Variants in DTL observed in about 807,000 individuals in gnomAD.
The protein encoded by DTL is denticleless protein homolog.
In DTL, 46 loss-of-function variants were observed where a neutral mutation model predicts 87.0. That is an observed-to-expected ratio of 0.53 (90% CI 0.42 to 0.68). DTL has a LOEUF of 0.68. DTL is among the 30% of genes least tolerant of loss of function. The probability of loss-of-function intolerance (pLI) is 0.00; values close to 1 mark genes in which losing one functional copy is unlikely to be tolerated. For synonymous variants in DTL, 308 were observed against 311.2 expected (o/e 0.99, Z 0.11); for missense variants, 737 against 869.4 (o/e 0.85, Z 1.91).
At chr1:212,080,548 CTGTTTTTTAATGTAT>C in intron 12 of DTL, 52 bp from the exon 13 acceptor site, 1 of 1,504,102 alleles carries the variant, frequency 6.6e-7, no homozygotes, top group Non-Finnish European at 9.1e-7. Context: ...TAAGACACAC[CTGTTTTTTAATGTAT>C]TTTGAATCTT....
intron 1 of DTL, among the ~76,000 whole-genome samples, chr1:212,040,186 T>C (rs1399128642): frequency 1.3e-5 from 2 of 151,400 alleles, no homozygotes; most frequent in South Asian, 2.1e-4. Flanking sequence ...TTTAAATGTT[T>C]TTCTTTTCTT....
At chr1:212,101,775 A>T (rs1655632521) in intron 14 of DTL, among the ~76,000 whole-genome samples, 1 of 152,222 alleles carries the variant, frequency 6.6e-6, no homozygotes, top group Non-Finnish European at 1.5e-5. Flanking sequence ...TTTAAATTAG[A>T]TAATATCAGT....
intron 5 of DTL, among the ~76,000 whole-genome samples, chr1:212,058,244 A>G (rs533831668): frequency 1.3e-5 from 2 of 152,312 alleles, no homozygotes; most frequent in East Asian, 3.9e-4. Context: ...CAACAGCTAC[A>G]GAATACACAT....
intron 12 of DTL, among the ~76,000 whole-genome samples, chr1:212,079,652 G>C (rs540044403): frequency 6.6e-6 from 1 of 152,238 alleles, no homozygotes; most frequent in African/African-American, 2.4e-5. Context: ...CTTTTAGAGT[G>C]TGAGAATTAA....
In DTL at chr1:212,072,098, C is replaced by T; in HGVS notation, c.923-3C>T. The T allele has an allele frequency of 4.3e-6, 7 of 1,611,918 alleles. No homozygotes were observed. Among genetic ancestry groups the T allele is most frequent in the Non-Finnish European group, 5.9e-6 (7 of 1,178,240 alleles). On this transcript the variant is annotated splice_region_variant and splice_polypyrimidine_tract_variant and intron_variant, in intron 10 of 14. Transcript: ENST00000366991. ...AAGTAATTTGGTTTTTTTCCTCTGG[C>T]AGTGGCTATTTTCAATGGACACCAG...
Position 212,043,399 on chromosome 1 carries a change from C to A in DTL, c.178+281C>A, listed in dbSNP as rs149853944. Among the ~76,000 whole-genome samples, 211 of 152,276 alleles carry A rather than the reference C, an allele frequency of 1.4e-3. 4 individuals are homozygous for A. Among genetic ancestry groups the A allele is most frequent in the African/African-American group, 4.8e-3 (201 of 41,544 alleles). On this transcript the variant is annotated intron_variant, in intron 2 of 14. Transcript: ENST00000366991. The stretch of plus-strand genomic sequence containing the variant: ...TGCAAAGGTTCAGCTACTATGAAAA[C>A]TGTTTTATCCAGTAGATACATACCC...
intron 5 of DTL, among the ~76,000 whole-genome samples, chr1:212,057,769 C>G (rs954815367): frequency 2.0e-5 from 3 of 152,108 alleles, no homozygotes; most frequent in African/African-American, 7.2e-5. Flanking sequence ...GTTAAACTTT[C>G]CATTTGAAAA....
chr1:212,044,051 T>C (rs1667736522), intron 2 of DTL, among the ~76,000 whole-genome samples: 1 of 152,230 alleles, frequency 6.6e-6, no homozygotes, highest in Non-Finnish European at 1.5e-5. Flanking sequence ...ATCACGCCAC[T>C]GCATTCCTGC....
intron 10 of DTL, among the ~76,000 whole-genome samples, chr1:212,070,119 G>A (rs991630455): frequency 2.0e-5 from 3 of 152,114 alleles, no homozygotes; most frequent in Non-Finnish European, 2.9e-5. Context: ...AAGATAAAGC[G>A]TGATCCTGAT....
In DTL at chr1:212,100,235, C is replaced by A; in HGVS notation, c.1262-17C>A. ...GGCTTTCACTTCTGATCTTCATGAT[C>A]CTCTCCTCTTTTTCAGTAACAGTAA... On this transcript the variant is annotated splice_polypyrimidine_tract_variant and intron_variant, in intron 13 of 14. Transcript: ENST00000366991. 2.0e-6 allele frequency: 3 copies of A among 1,504,196 alleles called. No individual in the cohort carries two copies. Among genetic ancestry groups the A allele is most frequent in the Non-Finnish European group, 2.7e-6 (3 of 1,119,160 alleles). The allele number at this position is 1,504,196 out of a possible 1,614,324, so 93.2% of individuals were successfully genotyped here.
intron 11 of DTL, among the ~76,000 whole-genome samples, chr1:212,076,446 G>T (rs1408960072): frequency 6.6e-6 from 1 of 152,070 alleles, no homozygotes; most frequent in African/African-American, 2.4e-5. Flanking sequence ...ATATTCTATT[G>T]GTGGGTATTT....
At chr1:212,097,922 G>C (rs1184341687) in intron 13 of DTL, among the ~76,000 whole-genome samples, 1 of 152,122 alleles carries the variant, frequency 6.6e-6, no homozygotes, top group African/African-American at 2.4e-5. Flanking sequence ...TGATCCCTTG[G>C]TGTGGTGCTC....
At chr1:212,061,145 AGT>A (rs1654290571) in intron 5 of DTL, among the ~76,000 whole-genome samples, 1 of 152,064 alleles carries the variant, frequency 6.6e-6, no homozygotes, top group African/African-American at 2.4e-5. Flanking sequence ...GTACTACTGT[AGT>A]CCCAGCTACT....
At chr1:212,045,023 G>A (rs1247187079) in intron 3 of DTL, among the ~76,000 whole-genome samples, 1 of 152,202 alleles carries the variant, frequency 6.6e-6, no homozygotes, top group Non-Finnish European at 1.5e-5. Context: ...CACATGGCAA[G>A]AGAAGGGTGT....
chr1:212,043,175 T>C (rs1181564207), intron 2 of DTL, 57 bp downstream of exon 2: 26 of 1,525,654 alleles, frequency 1.7e-5, no homozygotes, highest in East Asian at 4.6e-5. Context: ...TTCACACTTA[T>C]AGGGAAAATA....
chr1:212,060,919 A>C (rs933123228), intron 5 of DTL, among the ~76,000 whole-genome samples: 1 of 151,996 alleles, frequency 6.6e-6, no homozygotes, highest in Non-Finnish European at 1.5e-5. Flanking sequence ...AGACTATACT[A>C]AACTAAAAAG....
intron 13 of DTL, among the ~76,000 whole-genome samples, chr1:212,099,195 T>G (rs964875165): frequency 2.6e-5 from 4 of 152,182 alleles, no homozygotes; most frequent in Non-Finnish European, 5.9e-5. Flanking sequence ...TGTGCAGAAG[T>G]GGACTTTACC....
chr1:212,075,830 A>G (rs966849580), intron 11 of DTL, among the ~76,000 whole-genome samples: 2 of 152,132 alleles, frequency 1.3e-5, no homozygotes, highest in African/African-American at 4.8e-5. Flanking sequence ...ATTCCCAAAC[A>G]TCATCACACC....
chr1:212,060,159 G>T (rs1668299420), intron 5 of DTL, among the ~76,000 whole-genome samples: 1 of 152,238 alleles, frequency 6.6e-6, no homozygotes, highest in Admixed American at 6.5e-5. Context: ...TTTCACAGAA[G>T]TAGAAAGAAC....
Sources: allele counts gnomAD v4.1 joint callset (sites outside exome capture counted in the v4.1 genomes callset), GRCh38; gene constraint gnomAD v4.1.1; transcripts MANE v1.5; gene names NCBI Gene and HGNC (gene_info 2026-07-23, HGNC 2026-07-21).